LPXN: variants seen among roughly 807,000 people sequenced by gnomAD.
The protein encoded by LPXN is leupaxin.
A neutral mutation model predicts 45.6 loss-of-function variants in LPXN; 28 were observed. The ratio of observed to expected loss-of-function variants is 0.61; its 90% CI spans 0.45 to 0.84. The LOEUF (loss-of-function observed/expected upper bound fraction) is 0.84. Among genes scored for constraint, LPXN ranks in the 40% least tolerant of loss-of-function variants. The pLI is 0.00. For synonymous variants in LPXN, 166 were observed against 169.9 expected, an observed-to-expected ratio of 0.98 and a Z score of 0.18; for missense variants, 459 against 475.0, an observed-to-expected ratio of 0.97 and a Z score of 0.31.
chr11:58,573,723 T>C (rs1430526404), intron 1 of LPXN, among the ~76,000 whole-genome samples: 1 of 151,378 alleles, frequency 6.6e-6, no homozygotes, highest in Non-Finnish European at 1.5e-5. Context: ...TCCTGGAGAG[T>C]GGGGGCGGGG....
chr11:58,532,648 G>T (rs1266556868), intron 7 of LPXN, among the ~76,000 whole-genome samples: 1 of 152,296 alleles, frequency 6.6e-6, no homozygotes, highest in East Asian at 1.9e-4. Flanking sequence ...GTCTAGCTCA[G>T]GGATTGTAAA....
intron 7 of LPXN, among the ~76,000 whole-genome samples, chr11:58,531,955 G>A (rs1853401443): frequency 6.6e-6 from 1 of 152,264 alleles, no homozygotes. Context: ...GGACGGAGAG[G>A]CACGGGCAGG....
In LPXN at chr11:58,575,765, T is replaced by C. The variant is rs1344364451; in HGVS notation, c.8A>G (p.Glu3Gly). Residue 3 changes from glutamate to glycine, a missense_variant, in exon 1 of 9, where the codon GAG becomes GGG. Physicochemically the swap from Glu to Gly is moderately conservative, Grantham distance 98 (BLOSUM62 -2). Coordinates refer to ENST00000395074, the MANE Select transcript of LPXN (RefSeq NM_004811.3). ...TCCTCAGGCTCCTCACTCACCTAAC[T>C]CTTCCATTGTCCTACATCCAAGATG... MEELDALLEELER... is the reference protein window; with the variant it reads MEGLDALLEELER... 3 of 1,614,096 alleles carry C rather than the reference T, an allele frequency of 1.9e-6. No individual in the cohort carries two copies. The highest frequency in any genetic ancestry group is 2.2e-5 in the East Asian group (1 of 44,900).
At chr11:58,555,961 C>T (rs918511646) in intron 3 of LPXN, among the ~76,000 whole-genome samples, 4 of 151,816 alleles carry the variant, frequency 2.6e-5, no homozygotes, top group African/African-American at 9.7e-5. Context: ...ATTAGTGAAA[C>T]AGAAAACAAG....
intron 7 of LPXN, among the ~76,000 whole-genome samples, chr11:58,549,119 G>C (rs1395886557): frequency 6.6e-6 from 1 of 152,248 alleles, no homozygotes; most frequent in African/African-American, 2.4e-5. Flanking sequence ...AAGCAGGCCA[G>C]GCGCAGTAGT....
At chr11:58,551,953 C>T (rs1345921192) in intron 4 of LPXN, among the ~76,000 whole-genome samples, 1 of 152,128 alleles carries the variant, frequency 6.6e-6, no homozygotes, top group African/African-American at 2.4e-5. Flanking sequence ...TCAAAGAGGT[C>T]AGTGGGGCTA....
intron 2 of LPXN, among the ~76,000 whole-genome samples, chr11:58,565,853 C>T (rs1032294001): frequency 1.3e-5 from 2 of 151,876 alleles, no homozygotes; most frequent in African/African-American, 4.8e-5. Context: ...AAAAAATTTG[C>T]CAGGTATGGT....
At chr11:58,578,285 C>A (rs778706306), upstream of LPXN, 136 of 424,786 alleles carry the variant, frequency 3.2e-4, no homozygotes, top group Non-Finnish European at 5.5e-4. Flanking sequence ...CTCTAGACTG[C>A]GGAAAGTAAA....
At chr11:58,527,954 G>T in intron 8 of LPXN, 89 bp downstream of exon 8, 1 of 1,442,966 alleles carries the variant, frequency 6.9e-7, no homozygotes, top group Non-Finnish European at 9.5e-7. Context: ...ATTCAGGACT[G>T]TGAACCCTTT....
chr11:58,557,259 A>G (rs1436131370), intron 3 of LPXN, among the ~76,000 whole-genome samples: 1 of 152,228 alleles, frequency 6.6e-6, no homozygotes, highest in Non-Finnish European at 1.5e-5. Context: ...CATTGCCACA[A>G]TATTCACAAT....
chr11:58,534,190 C>G (rs893060524), intron 7 of LPXN, among the ~76,000 whole-genome samples: 2 of 152,162 alleles, frequency 1.3e-5, no homozygotes, highest in Non-Finnish European at 2.9e-5. Flanking sequence ...GACATCTATA[C>G]AACTCTCCAC....
chr11:58,578,100 G>C (rs951330022), upstream of LPXN: 6 of 1,540,952 alleles, frequency 3.9e-6, no homozygotes, highest in South Asian at 6.0e-5. Flanking sequence ...ACCAAGGCAA[G>C]TCTGGGCAGT....
intron 2 of LPXN, among the ~76,000 whole-genome samples, chr11:58,570,321 A>T (rs562876666): frequency 2.6e-5 from 4 of 150,994 alleles, no homozygotes; most frequent in South Asian, 2.1e-4. Context: ...AAAAAAAAAT[A>T]AAAAAAATAA....
At chr11:58,527,901 T>C in intron 8 of LPXN, 142 bp downstream of exon 8, 1 of 1,154,152 alleles carries the variant, frequency 8.7e-7, no homozygotes, top group Non-Finnish European at 1.2e-6. Context: ...AGCAAATGGA[T>C]CTGTATCTCG....
chr11:58,541,014 C>T (rs576523653), intron 7 of LPXN, among the ~76,000 whole-genome samples: 1 of 152,114 alleles, frequency 6.6e-6, no homozygotes, highest in Admixed American at 6.5e-5. Context: ...GGATCCCTTC[C>T]TTACACCTTA....
At chr11:58,535,497 C>G (rs1199424091) in intron 7 of LPXN, among the ~76,000 whole-genome samples, 2 of 152,108 alleles carry the variant, frequency 1.3e-5, no homozygotes, top group Admixed American at 1.3e-4. Context: ...TCTTAATAAA[C>G]TAGGTATTGA....
chr11:58,562,407 A>G (rs996119587), intron 3 of LPXN, among the ~76,000 whole-genome samples: 2 of 152,166 alleles, frequency 1.3e-5, no homozygotes, highest in Non-Finnish European at 2.9e-5. Context: ...GAGTGATACT[A>G]GTCTCAGGGA....
At chr11:58,571,518 C>T (rs750980337) in intron 1 of LPXN, among the ~76,000 whole-genome samples, 2 of 151,812 alleles carry the variant, frequency 1.3e-5, no homozygotes, top group Non-Finnish European at 2.9e-5. Flanking sequence ...GAGCACGTAA[C>T]AAAATTTTCA....
chr11:58,534,811 T>C (rs1045280855), intron 7 of LPXN, among the ~76,000 whole-genome samples: 8 of 151,836 alleles, frequency 5.3e-5, no homozygotes, highest in Non-Finnish European at 8.8e-5. Context: ...AAGAATCAAA[T>C]AGACACAAAA....
Sources: allele counts gnomAD v4.1 joint callset (sites outside exome capture counted in the v4.1 genomes callset), GRCh38; gene constraint gnomAD v4.1.1; transcripts MANE v1.5; gene names NCBI Gene and HGNC (gene_info 2026-07-23, HGNC 2026-07-21).